The following STYK1 variants were observed in gnomAD, a reference collection of about 807,000 sequenced individuals.
STYK1 encodes tyrosine-protein kinase STYK1.
STYK1 carries 46 observed loss-of-function variants against 48.1 expected under a neutral mutation model. The observed-to-expected ratio is 0.96, with a 90% CI of 0.75 to 1.22. The LOEUF (loss-of-function observed/expected upper bound fraction) is 1.22, where lower values mean the gene tolerates loss of function less well. Ranked by LOEUF, STYK1 falls within the 50% of genes most tolerant of loss-of-function variation. STYK1 has a pLI of 0.00. For synonymous variants in STYK1, 188 were observed against 189.0 expected, an observed-to-expected ratio of 0.99 and a Z score of 0.04; for missense variants, 527 against 521.1, an observed-to-expected ratio of 1.01 and a Z score of -0.11.
At chr12:10,660,349 A>G (rs10772344) in intron 1 of STYK1, among the ~76,000 whole-genome samples, 83,474 of 151,988 alleles carry the variant, frequency 0.55, 23,640 homozygotes, top group East Asian at 0.79. Flanking sequence ...GAATACAAAA[A>G]ACACTAATAG....
chr12:10,633,857 G>T, intron 4 of STYK1, 133 bp downstream of exon 4: 1 of 1,092,658 alleles, frequency 9.2e-7, no homozygotes, highest in Non-Finnish European at 1.3e-6. Context: ...TCAACTCCAT[G>T]GGAGGGAACC....
chr12:10,657,457 C>T (rs537993535), intron 1 of STYK1, among the ~76,000 whole-genome samples: 6 of 152,132 alleles, frequency 3.9e-5, no homozygotes, highest in Admixed American at 6.5e-5. Flanking sequence ...AACTGTAATG[C>T]TTTTTAGTTC....
At position 10,634,691 on chromosome 12, in the gene STYK1, G is replaced by A; in HGVS notation, c.-68-5C>T. On this transcript the variant is annotated splice_polypyrimidine_tract_variant and splice_region_variant and intron_variant, in intron 2 of 10. Transcript: ENST00000075503. ...CAGCACAGCTGTGAGTAATTCCTAA[G>A]GATTGAGTGGTTTTTGAAAAAAATA... The A allele has an allele frequency of 6.5e-7, 1 of 1,530,696 alleles. No homozygotes were observed. The highest frequency in any genetic ancestry group is 8.9e-7 in the Non-Finnish European group (1 of 1,125,608). 94.8% of individuals were successfully genotyped at this position (1,530,696 alleles called of 1,614,324 possible). A position where few individuals can be genotyped will look rare whatever the true frequency, so the allele number is the denominator to read the frequency against.
In STYK1 at chr12:10,635,666, A is replaced by G. The variant is rs143409292; in HGVS notation, c.-68-980T>C. 2.8e-4 allele frequency among the ~76,000 whole-genome samples: 42 copies of G among 152,296 alleles called. 1 individual carries two copies. The highest frequency in any genetic ancestry group is 9.9e-4 in the African/African-American group (41 of 41,566). The stretch of plus-strand genomic sequence containing the variant: ...TTCTCCCCCCCATTCTTCTCCATTT[A>G]TCCAGTTCTTAACTCTCCTCCAGTC... On this transcript the variant is annotated intron_variant, in intron 2 of 10. Transcript: ENST00000075503.
At chr12:10,659,917 T>C (rs572643017) in intron 1 of STYK1, among the ~76,000 whole-genome samples, 1 of 152,314 alleles carries the variant, frequency 6.6e-6, no homozygotes, top group South Asian at 2.1e-4. Flanking sequence ...TCTAGTCCCA[T>C]CAGTTTTTAG....
intron 1 of STYK1, among the ~76,000 whole-genome samples, chr12:10,653,009 C>G (rs940593834): frequency 2.0e-5 from 3 of 152,014 alleles, no homozygotes; most frequent in African/African-American, 7.2e-5. Flanking sequence ...CAGGAGATCT[C>G]AATTATGACA....
chr12:10,632,631 C>T (rs1401543065), intron 4 of STYK1, among the ~76,000 whole-genome samples: 1 of 152,130 alleles, frequency 6.6e-6, no homozygotes, highest in Non-Finnish European at 1.5e-5. Context: ...TTAAAAGACT[C>T]ATTCTGGCAT....
chr12:10,671,490 G>T (rs1261194702), intron 1 of STYK1, among the ~76,000 whole-genome samples: 1 of 152,214 alleles, frequency 6.6e-6, no homozygotes, highest in Non-Finnish European at 1.5e-5. Context: ...GGCCATTCCT[G>T]GCTTTGAAGA....
chr12:10,671,721 A>G (rs565090037), intron 1 of STYK1, among the ~76,000 whole-genome samples: 2 of 152,328 alleles, frequency 1.3e-5, no homozygotes, highest in African/African-American at 4.8e-5. Context: ...AAATGTACAC[A>G]CTCAGGTTAA....
chr12:10,668,385 T>C (rs1028342152), intron 1 of STYK1, among the ~76,000 whole-genome samples: 6 of 151,404 alleles, frequency 4.0e-5, no homozygotes, highest in Non-Finnish European at 5.9e-5. Flanking sequence ...TCTTCTTCTT[T>C]TTTTTTTTAG....
intron 8 of STYK1, among the ~76,000 whole-genome samples, chr12:10,624,025 C>T: frequency 6.6e-6 from 1 of 151,246 alleles, no homozygotes. Flanking sequence ...TTGGTTATTC[C>T]TTCAGATAAA....
At chr12:10,653,461 C>T (rs1591696759) in intron 1 of STYK1, among the ~76,000 whole-genome samples, 1 of 151,844 alleles carries the variant, frequency 6.6e-6, no homozygotes, top group African/African-American at 2.4e-5. Context: ...TGAGGAGTAC[C>T]CAAGAAAGTA....
chr12:10,647,868 A>C (rs925125336), intron 1 of STYK1, among the ~76,000 whole-genome samples: 4 of 152,188 alleles, frequency 2.6e-5, no homozygotes, highest in Admixed American at 2.6e-4. Flanking sequence ...GCCTGCCATC[A>C]TTCACATAAG....
In STYK1 at chr12:10,622,718, T is replaced by A. The variant is rs1865927215; in HGVS notation, c.927-40A>T. The A allele has an allele frequency of 2.5e-6, 4 of 1,612,978 alleles. No individual in the cohort carries two copies. The East Asian group carries it at 8.9e-5, about 36-fold the overall frequency. ...AAGCCATCTATTTAATTTCTATTTC[T>A]GTTTTTCTAAAGAGAGCTCATTTAA... On this transcript the variant is annotated intron_variant, in intron 8 of 10. Transcript: ENST00000075503.
chr12:10,669,686 G>C (rs1224322132), intron 1 of STYK1, among the ~76,000 whole-genome samples: 1 of 152,176 alleles, frequency 6.6e-6, no homozygotes, highest in African/African-American at 2.4e-5. Context: ...TCAACAGAGT[G>C]AAGAGATAAC....
At chr12:10,654,124 C>G (rs1042198704) in intron 1 of STYK1, among the ~76,000 whole-genome samples, 4 of 152,212 alleles carry the variant, frequency 2.6e-5, no homozygotes, top group Non-Finnish European at 4.4e-5. Context: ...AAGAGACACT[C>G]CCACCAGTGT....
intron 1 of STYK1, among the ~76,000 whole-genome samples, chr12:10,671,127 T>C (rs1947887726): frequency 6.6e-6 from 1 of 151,254 alleles, no homozygotes. Flanking sequence ...TCTGATTAGC[T>C]GGGACTACAG....
Position 10,638,248 on chromosome 12 carries a change from G to C in STYK1, c.-194-1052C>G, listed in dbSNP as rs545018671. Among the ~76,000 whole-genome samples the C allele has an allele frequency of 3.3e-5, 5 of 152,254 alleles. No individual in the cohort carries two copies. In the South Asian group the frequency reaches 1.0e-3, roughly 32 times the overall value. On this transcript the variant is annotated intron_variant, in intron 1 of 10. Coordinates refer to ENST00000075503, the MANE Select transcript of STYK1 (RefSeq NM_018423.3). ...ATATCTACAGAGCCAAATCTCTTCA[G>C]GCAGGGTTCTAGTTAGAACCATAAT...
At chr12:10,639,997 T>G (rs1026428205) in intron 1 of STYK1, among the ~76,000 whole-genome samples, 1 of 151,788 alleles carries the variant, frequency 6.6e-6, no homozygotes, top group African/African-American at 2.4e-5. Context: ...GGGACATAGA[T>G]GACATCTGCA....
Sources: gnomAD v4.1 joint callset for allele counts (sites outside exome capture counted in the v4.1 genomes callset) on GRCh38, gnomAD v4.1.1 for gene constraint, MANE v1.5 for transcripts, NCBI Gene and HGNC (gene_info 2026-07-23, HGNC 2026-07-21) for gene names.